Variants in PRUNE2 observed in about 807,000 individuals in gnomAD.
The protein encoded by PRUNE2 is prune homolog 2 with BCH domain.
In PRUNE2, 164 loss-of-function variants were observed where a neutral mutation model predicts 252.0. That is an observed-to-expected ratio of 0.65 (90% CI 0.57 to 0.74). PRUNE2 has a LOEUF of 0.74. Ranked by LOEUF, PRUNE2 falls within the 30% of genes least tolerant of loss-of-function variation. The pLI is 0.00. For missense variants in PRUNE2, 3,495 were observed against 3,711.0 expected (o/e 0.94, Z 1.51); for synonymous variants, 1,292 against 1,350.2 (o/e 0.96, Z 0.94).
At chr9:76,767,835 C>T (rs76639463) in intron 6 of PRUNE2, among the ~76,000 whole-genome samples, 134 of 152,304 alleles carry the variant, frequency 8.8e-4, no homozygotes, top group Non-Finnish European at 1.4e-3. Context: ...CTGTCCTTTT[C>T]GGTGTTTTCA....
chr9:76,876,974 C>T (rs2061509395), intron 1 of PRUNE2, among the ~76,000 whole-genome samples: 1 of 152,166 alleles, frequency 6.6e-6, no homozygotes, highest in African/African-American at 2.4e-5. Context: ...AGGCAGGAGA[C>T]ATAGGATACT....
chr9:76,871,956 G>A (rs941318620), intron 1 of PRUNE2, among the ~76,000 whole-genome samples: 3 of 152,044 alleles, frequency 2.0e-5, no homozygotes, highest in Non-Finnish European at 2.9e-5. Context: ...TTAAAATTAC[G>A]CTGTAGATAG....
intron 9 of PRUNE2, among the ~76,000 whole-genome samples, chr9:76,661,370 G>C (rs1040723078): frequency 6.6e-6 from 1 of 152,044 alleles, no homozygotes; most frequent in Non-Finnish European, 1.5e-5. Flanking sequence ...AGCCTCCCAA[G>C]TAGCTAGGAT....
At chr9:76,885,921 T>C (rs2062062620) in intron 1 of PRUNE2, among the ~76,000 whole-genome samples, 1 of 152,082 alleles carries the variant, frequency 6.6e-6, no homozygotes. Flanking sequence ...GGTTTACGCC[T>C]ATAATCCCAG....
chr9:76,788,340 T>C (rs1199572450), intron 6 of PRUNE2: 14 of 689,402 alleles, frequency 2.0e-5, no homozygotes, highest in South Asian at 1.6e-4. Context: ...AAGTAAATGA[T>C]TGTGAATTCA....
At chr9:76,773,944 A>T (rs1796784306) in intron 6 of PRUNE2, among the ~76,000 whole-genome samples, 2 of 152,136 alleles carry the variant, frequency 1.3e-5, no homozygotes, top group South Asian at 4.1e-4. Flanking sequence ...TTATAAAGAG[A>T]AGGAGCAAGT....
chr9:76,874,597 T>G (rs1262589893), intron 1 of PRUNE2, among the ~76,000 whole-genome samples: 1 of 152,210 alleles, frequency 6.6e-6, no homozygotes, highest in African/African-American at 2.4e-5. Context: ...ACAGTGGACA[T>G]TTTCCATCCC....
chr9:76,837,271 G>A (rs568159869), intron 4 of PRUNE2, among the ~76,000 whole-genome samples: 81 of 152,042 alleles, frequency 5.3e-4, no homozygotes, highest in African/African-American at 1.8e-3. Context: ...GTGAAACCCC[G>A]TCTCTACTAA....
At chr9:76,636,957 A>G (rs1362275808) in intron 14 of PRUNE2, among the ~76,000 whole-genome samples, 1 of 139,460 alleles carries the variant, frequency 7.2e-6, no homozygotes, top group African/African-American at 2.6e-5. Flanking sequence ...CTCCAACAAC[A>G]ACGACAACAA....
At chr9:76,882,098 G>A (rs1190056254) in intron 1 of PRUNE2, among the ~76,000 whole-genome samples, 2 of 151,900 alleles carry the variant, frequency 1.3e-5, no homozygotes, top group Non-Finnish European at 2.9e-5. Flanking sequence ...GGGTAAATGT[G>A]ATTTCTGGTA....
intron 16 of PRUNE2, among the ~76,000 whole-genome samples, chr9:76,625,693 T>C (rs559906691): frequency 2.0e-5 from 3 of 152,350 alleles, no homozygotes; most frequent in Admixed American, 6.5e-5. Flanking sequence ...GGGTCACTTG[T>C]GGACATGTGC....
rs188657834 is a variant in PRUNE2, at chr9:76,847,468, A to T, written c.345-790T>A. Reference sequence around the variant, plus strand: ...TGTATAATACTTTTAAAAAGTATTTAAAAAAAAAACTGAGGCACAAAGAGG... The same window carrying T: ...TGTATAATACTTTTAAAAAGTATTTTAAAAAAAAACTGAGGCACAAAGAGG... On this transcript the variant is annotated intron_variant, in intron 3 of 18. Coordinates refer to ENST00000376718, the MANE Select transcript of PRUNE2 (RefSeq NM_015225.3). Among the ~76,000 whole-genome samples, 296 of 144,320 alleles carry T rather than the reference A, an allele frequency of 2.1e-3. 1 individual carries two copies. The highest frequency in any genetic ancestry group is 7.1e-3 in the African/African-American group (255 of 35,968). 94.7% of individuals were successfully genotyped at this position (144,320 alleles called of 152,430 possible). A position where few individuals can be genotyped will look rare whatever the true frequency, so the allele number is the denominator to read the frequency against.
At chr9:76,846,449 A>G (rs1438326041) in intron 4 of PRUNE2, 66 bp downstream of exon 4, 3 of 1,386,784 alleles carry the variant, frequency 2.2e-6, no homozygotes, top group African/African-American at 2.9e-5. Flanking sequence ...CATTCTTTCT[A>G]CATGAGCAGG....
chr9:76,651,311 TAG>T (rs1026565672), intron 11 of PRUNE2, among the ~76,000 whole-genome samples: 1 of 152,166 alleles, frequency 6.6e-6, no homozygotes, highest in African/African-American at 2.4e-5. Context: ...TCTGTCAAGG[TAG>T]AGTCTGAACT....
At chr9:76,805,857 T>A (rs1316054600) in intron 6 of PRUNE2, among the ~76,000 whole-genome samples, 4 of 152,202 alleles carry the variant, frequency 2.6e-5, no homozygotes, top group African/African-American at 9.7e-5. Flanking sequence ...GAATGCCACT[T>A]TCTGGTTTCA....
chr9:76,906,054 G>T lies in PRUNE2; in HGVS notation c.-91C>A. On this transcript the variant is annotated 5_prime_UTR_variant, in exon 1 of 19. Transcript: ENST00000376718. ...AGACGAGCGGGGTCCCGGGAAAGTG[G>T]CCCGCCGGGGCGCAGCGACCGACTG... 7.2e-7 allele frequency: 1 copy of T among 1,395,020 alleles called. No individual in the cohort carries two copies. 86.4% of individuals were successfully genotyped at this position (1,395,020 alleles called of 1,614,324 possible). A position where few individuals can be genotyped will look rare whatever the true frequency, so the allele number is the denominator to read the frequency against.
chr9:76,829,183 C>A (rs2058524912), intron 4 of PRUNE2, among the ~76,000 whole-genome samples: 1 of 152,074 alleles, frequency 6.6e-6, no homozygotes, highest in South Asian at 2.1e-4. Flanking sequence ...CAGAGTTACC[C>A]AAGTAACTGT....
At chr9:76,806,001 G>A (rs569885683) in intron 6 of PRUNE2, among the ~76,000 whole-genome samples, 2 of 152,154 alleles carry the variant, frequency 1.3e-5, no homozygotes, top group Non-Finnish European at 1.5e-5. Context: ...AACATAGTAG[G>A]TACTCAATGA....
rs147030783 is a variant in PRUNE2, at chr9:76,902,232, T to C, written c.36+3696A>G. 1.6e-3 allele frequency among the ~76,000 whole-genome samples: 239 copies of C among 152,330 alleles called. 1 individual carries two copies. Among genetic ancestry groups the C allele is most frequent in the African/African-American group, 5.4e-3 (223 of 41,574 alleles). The stretch of plus-strand genomic sequence containing the variant: ...ACTGTCCTTGTCCTGAATACTTTCC[T>C]GAGCTGACCACTATGAAGTTGAGGG... On this transcript the variant is annotated intron_variant, in intron 1 of 18. Coordinates refer to ENST00000376718, the MANE Select transcript of PRUNE2 (RefSeq NM_015225.3).
Sources: allele counts gnomAD v4.1 joint callset (sites outside exome capture counted in the v4.1 genomes callset), GRCh38; gene constraint gnomAD v4.1.1; transcripts MANE v1.5; gene names NCBI Gene and HGNC (gene_info 2026-07-23, HGNC 2026-07-21).